TMOD4: variants seen among roughly 807,000 people sequenced by gnomAD.
TMOD4 encodes tropomodulin-4.
In TMOD4, 34 loss-of-function variants were observed where a neutral mutation model predicts 45.4. That is an observed-to-expected ratio of 0.75 (90% CI 0.57 to 1.00). TMOD4 has a LOEUF of 1.00. TMOD4 is among the 50% of genes least tolerant of loss of function. The probability of loss-of-function intolerance (pLI) is 0.00; values close to 1 mark genes in which losing one functional copy is unlikely to be tolerated. For synonymous variants in TMOD4, 131 were observed against 153.9 expected (o/e 0.85, Z 1.10); for missense variants, 399 against 437.5 (o/e 0.91, Z 0.78).
At chr1:151,173,738 G>A in intron 3 of TMOD4, 123 bp from the exon 4 acceptor site, 1 of 719,014 alleles carries the variant, frequency 1.4e-6, no homozygotes, top group Non-Finnish European at 2.4e-6. Flanking sequence ...GAAAGCCTGA[G>A]TCCTCTACAA....
chr1:151,172,191 A>C (rs1333462728), intron 5 of TMOD4, 77 bp downstream of exon 5: 1 of 1,182,750 alleles, frequency 8.5e-7, no homozygotes. Context: ...CATCAATTTC[A>C]CCCTTTTCTA....
chr1:151,172,413 T>G, intron 4 of TMOD4, 56 bp from the exon 5 acceptor site: 1 of 1,363,318 alleles, frequency 7.3e-7, no homozygotes, highest in Non-Finnish European at 1.0e-6. Flanking sequence ...GTTCCAAGCC[T>G]CCCTCCTACC....
At chr1:151,174,131 G>C (rs1684035550) in intron 3 of TMOD4, among the ~76,000 whole-genome samples, 1 of 152,166 alleles carries the variant, frequency 6.6e-6, no homozygotes, top group Non-Finnish European at 1.5e-5. Context: ...CAGGAGAATG[G>C]CGTGAACCCG....
intron 7 of TMOD4, 42 bp downstream of exon 7, chr1:151,171,391 G>T (rs762604847): frequency 6.5e-7 from 1 of 1,548,520 alleles, no homozygotes; most frequent in Non-Finnish European, 8.9e-7. Flanking sequence ...ACAGGTGCAT[G>T]TAAGATGTGG....
intron 7 of TMOD4, 94 bp from the exon 8 acceptor site, chr1:151,171,157 G>C: frequency 5.0e-6 from 7 of 1,391,482 alleles, no homozygotes; most frequent in Non-Finnish European, 2.0e-6. Flanking sequence ...ACAGCTCTTT[G>C]AGAAGAGTCT....
chr1:151,174,867 T>C lies in TMOD4; in HGVS notation c.9A>G (p.Ser3=), dbSNP rs918846246. ...TGTATTTCTCCAGTTCCTTCTGATA[T>C]GATGACATGGTGGCCCCCACCCCCT... The part of the protein sequence containing the change: MS[S]YQKELEKYRD... The change falls in exon 2 of 10, where the codon TCA becomes TCG. Residue 3 remains serine, a synonymous_variant. Transcript: ENST00000295314. 11 of 1,614,034 alleles carry C rather than the reference T, an allele frequency of 6.8e-6. No homozygotes were observed. In the African/African-American group the frequency reaches 1.2e-4, roughly 18 times the overall value.
In TMOD4 at chr1:151,171,551, G is replaced by A. The variant is rs587719901; in HGVS notation, c.619-11C>T. ...GGGTATTGGGATGTCCTATCGGAGG[G>A]GAATAGGAGATGGTGGGCTAAGGGA... is the stretch of plus-strand genomic sequence containing the variant. On this transcript the variant is annotated splice_polypyrimidine_tract_variant and intron_variant, in intron 6 of 9. Coordinates refer to ENST00000295314, the MANE Select transcript of TMOD4 (RefSeq NM_013353.3). 13 of 1,613,794 alleles carry A rather than the reference G, an allele frequency of 8.1e-6. No individual in the cohort carries two copies. The South Asian group carries it at 1.3e-4, about 16-fold the overall frequency.
chr1:151,172,303 C>CA lies in TMOD4; in HGVS notation c.451dup (p.Cys151LeufsTer9). ...TTCAGTGTTGCAGATTTCTCCACTG[C>CA]AGAGGGCATCATAGTATTGCTTGTT... On this transcript the variant is annotated frameshift_variant, in exon 5 of 10. Coordinates refer to ENST00000295314, the MANE Select transcript of TMOD4 (RefSeq NM_013353.3). LOFTEE classifies it high-confidence loss of function. The CA allele has an allele frequency of 6.2e-7, 1 of 1,613,914 alleles. No homozygotes were observed. The highest frequency in any genetic ancestry group is 8.5e-7 in the Non-Finnish European group (1 of 1,179,874).
At chr1:151,174,164 C>A (rs587670573) in intron 3 of TMOD4, among the ~76,000 whole-genome samples, 2 of 151,838 alleles carry the variant, frequency 1.3e-5, no homozygotes, top group African/African-American at 4.8e-5. Flanking sequence ...TGCAGTGAGC[C>A]GAGACTGCAC....
Position 151,174,509 on chromosome 1 carries a change from C to T in TMOD4, c.162G>A (p.Gln54=), listed in dbSNP as rs766859462. ...LLPAGLRQRD[Q]TKKSPTGPLD... is the part of the protein sequence containing the mutation. Reference sequence around the variant, plus strand: ...GTGGCCCCGTTGGGCTCTTCTTTGTCTGGTCACGTTGTCTTAGTCCAGCTG... The same window carrying T: ...GTGGCCCCGTTGGGCTCTTCTTTGTTTGGTCACGTTGTCTTAGTCCAGCTG... The change falls in exon 3 of 10, where the codon CAG becomes CAA. Residue 54 remains glutamine (Q), a synonymous_variant. Transcript: ENST00000295314. The T allele has an allele frequency of 3.7e-5, 60 of 1,614,070 alleles. No homozygotes were observed. The highest frequency in any genetic ancestry group is 4.7e-5 in the Non-Finnish European group (55 of 1,180,044).
Position 151,174,518 on chromosome 1 carries a change from TTG to T in TMOD4, c.151_152del (p.Gln51ThrfsTer2). The stretch of plus-strand genomic sequence containing the variant: ...TTGGGCTCTTCTTTGTCTGGTCACG[TTG>T]TCTTAGTCCAGCTGGCAGGAGCATG... Reference protein sequence around the residue: ...ENMLLPAGLRQRDQTKKSPTG... With the variant: ...ENMLLPAGLRXRDQTKKSPTG... On this transcript the variant is annotated frameshift_variant, in exon 3 of 10. Coordinates refer to ENST00000295314, the MANE Select transcript of TMOD4 (RefSeq NM_013353.3). LOFTEE classifies it high-confidence loss of function. 2 of 1,614,156 alleles carry T rather than the reference TTG, an allele frequency of 1.2e-6. No individual in the cohort carries two copies. Among genetic ancestry groups the T allele is most frequent in the Non-Finnish European group, 1.7e-6 (2 of 1,180,026 alleles).
chr1:151,173,480 A>G lies in TMOD4; in HGVS notation c.397+19T>C. 6.2e-7 allele frequency: 1 copy of G among 1,605,132 alleles called. No homozygotes were observed. Among genetic ancestry groups the G allele is most frequent in the Non-Finnish European group, 8.5e-7 (1 of 1,172,026 alleles). On this transcript the variant is annotated intron_variant, in intron 4 of 9. Transcript: ENST00000295314. Reference sequence around the variant, plus strand: ...CCTGCCCCTGATCCTCTCACCCTCAACTTCCCACAGCTACCCACCTGCAAT... The same window carrying G: ...CCTGCCCCTGATCCTCTCACCCTCAGCTTCCCACAGCTACCCACCTGCAAT...
intron 5 of TMOD4, 70 bp from the exon 6 acceptor site, chr1:151,171,833 CTTTTCT>C: frequency 2.7e-6 from 4 of 1,468,432 alleles, no homozygotes; most frequent in South Asian, 2.8e-5. Context: ...GTTTTCTTTT[CTTTTCT>C]TTTTTTTTTT....
At chr1:151,175,035 T>A in intron 1 of TMOD4, 118 bp from the exon 2 acceptor site, 1 of 793,428 alleles carries the variant, frequency 1.3e-6, no homozygotes, top group Non-Finnish European at 2.0e-6. Flanking sequence ...AGATTAGAAG[T>A]CTAGTTGAGG....
intron 9 of TMOD4, 23 bp from the exon 10 acceptor site, chr1:151,170,126 A>G (rs1452058520): frequency 1.9e-6 from 3 of 1,613,994 alleles, no homozygotes; most frequent in African/African-American, 2.7e-5. Flanking sequence ...AATATTAAAC[A>G]TAAGTGTTTG....
At chr1:151,173,418 G>T in intron 4 of TMOD4, 81 bp downstream of exon 4, 2 of 988,884 alleles carry the variant, frequency 2.0e-6, no homozygotes, top group Non-Finnish European at 3.2e-6. Flanking sequence ...CTGGTTGAGG[G>T]CCTTCCTCAC....
At chr1:151,171,344 A>G in intron 7 of TMOD4, 89 bp downstream of exon 7, 1 of 1,229,826 alleles carries the variant, frequency 8.1e-7, no homozygotes, top group Non-Finnish European at 1.2e-6. Flanking sequence ...TGATGAGAAT[A>G]GCACTCCCTA....
In TMOD4 at chr1:151,171,424, T is replaced by C. The variant is rs1316267445; in HGVS notation, c.726+9A>G. On this transcript the variant is annotated intron_variant, in intron 7 of 9. Transcript: ENST00000295314. ...TGGGGAGAGGGCTGGGGATGTCAACTAGCCTTACATTGGCAATGGGGTCAC... is the reference window on the plus strand; with the variant it reads ...TGGGGAGAGGGCTGGGGATGTCAACCAGCCTTACATTGGCAATGGGGTCAC... The C allele has an allele frequency of 1.9e-6, 3 of 1,611,730 alleles. No homozygotes were observed. Among genetic ancestry groups the C allele is most frequent in the Non-Finnish European group, 8.5e-7 (1 of 1,177,964 alleles).
chr1:151,171,158 A>G, intron 7 of TMOD4, 95 bp from the exon 8 acceptor site: 1 of 1,391,668 alleles, frequency 7.2e-7, no homozygotes, highest in East Asian at 2.3e-5. Context: ...CAGCTCTTTG[A>G]GAAGAGTCTT....
Sources: gnomAD v4.1 joint callset for allele counts (sites outside exome capture counted in the v4.1 genomes callset) on GRCh38, gnomAD v4.1.1 for gene constraint, MANE v1.5 for transcripts, NCBI Gene and HGNC (gene_info 2026-07-23, HGNC 2026-07-21) for gene names.